CACNA1S: variants seen among roughly 807,000 people sequenced by gnomAD.
The protein encoded by CACNA1S is calcium voltage-gated channel subunit alpha1 S.
In CACNA1S, 126 loss-of-function variants were observed where a neutral mutation model predicts 207.4. That is an observed-to-expected ratio of 0.61 (90% CI 0.53 to 0.70). CACNA1S has a LOEUF of 0.70. CACNA1S is among the 30% of genes least tolerant of loss of function. The pLI is 0.00. For missense variants in CACNA1S, 2,349 were observed against 2,422.8 expected, an observed-to-expected ratio of 0.97 and a Z score of 0.64; for synonymous variants, 960 against 932.7, an observed-to-expected ratio of 1.03 and a Z score of -0.53.
chr1:201,069,244 C>T (rs1661363181), intron 18 of CACNA1S, 48 bp from the exon 19 acceptor site: 1 of 1,548,414 alleles, frequency 6.5e-7, no homozygotes, highest in African/African-American at 1.4e-5. Flanking sequence ...GAGGAGGGGG[C>T]AACAGTATCA....
chr1:201,077,902 G>C lies in CACNA1S; in HGVS notation c.1596C>G (p.Leu532=). 1 of 1,613,962 alleles carries C rather than the reference G, an allele frequency of 6.2e-7. No homozygotes were observed. Among genetic ancestry groups the C allele is most frequent in the Non-Finnish European group, 8.5e-7 (1 of 1,179,824 alleles). Residue 532 remains leucine, a synonymous_variant, in exon 11 of 44, where the codon CTC becomes CTG. Transcript: ENST00000362061. ...ACTTGGTGATCTTGAAGATCCTCAG[G>C]AGGCGGATGCAGCGGAGCACGGAGA... ...LGISVLRCIR[L]LRIFKITKYW... is the part of the protein sequence containing the mutation.
At position 201,110,172 on chromosome 1, in the gene CACNA1S, G is replaced by A; in HGVS notation, c.250C>T (p.Leu84Phe). ...MPEDDNNSLN[L>F]GLEKLEYFFL... The stretch of plus-strand genomic sequence containing the variant: ...GGAAGGGCCAATCTTACCAGGCCGA[G>A]GTTCAGAGAGTTGTTGTCATCTTCC... Residue 84 changes from leucine (L) to phenylalanine (F), a missense_variant, in exon 2 of 44, where the codon CTC becomes TTC. Coordinates refer to ENST00000362061, the MANE Select transcript of CACNA1S (RefSeq NM_000069.3). The A allele has an allele frequency of 6.2e-7, 1 of 1,614,096 alleles. No homozygotes were observed. The highest frequency in any genetic ancestry group is 1.1e-5 in the South Asian group (1 of 91,084).
intron 19 of CACNA1S, among the ~76,000 whole-genome samples, chr1:201,068,489 C>T (rs1363752581): frequency 1.3e-5 from 2 of 150,564 alleles, no homozygotes; most frequent in Non-Finnish European, 3.0e-5. Context: ...GTGATCCGCC[C>T]GCCTCGGCCT....
rs115497836 is a variant in CACNA1S, at chr1:201,102,401, G to A, written c.258+7763C>T. Among the ~76,000 whole-genome samples, 250 of 152,272 alleles carry A rather than the reference G, an allele frequency of 1.6e-3. 1 individual carries two copies. Among genetic ancestry groups the A allele is most frequent in the African/African-American group, 5.8e-3 (243 of 41,560 alleles). ...AAACAACGAGGTGCCCAAGGTAAGAGGCAGGCCCTCGTCAGCCTCGGATAC... is the reference window on the plus strand; with the variant it reads ...AAACAACGAGGTGCCCAAGGTAAGAAGCAGGCCCTCGTCAGCCTCGGATAC... On this transcript the variant is annotated intron_variant, in intron 2 of 43. Transcript: ENST00000362061.
chr1:201,069,954 A>C (rs892008203), intron 17 of CACNA1S, among the ~76,000 whole-genome samples: 1 of 152,162 alleles, frequency 6.6e-6, no homozygotes, highest in Non-Finnish European at 1.5e-5. Flanking sequence ...GCCTGTGTAT[A>C]GTTTAAAGGT....
At chr1:201,058,287 C>T in intron 28 of CACNA1S, 121 bp downstream of exon 28, 1 of 854,726 alleles carries the variant, frequency 1.2e-6, no homozygotes, top group Non-Finnish European at 2.0e-6. Context: ...ACTTGTCATT[C>T]CATCTTTTTA....
intron 2 of CACNA1S, among the ~76,000 whole-genome samples, chr1:201,105,510 C>G (rs1474657427): frequency 6.6e-6 from 1 of 152,190 alleles, no homozygotes; most frequent in Admixed American, 6.5e-5. Context: ...ATTCTAGCTC[C>G]AGAACCCATT....
intron 7 of CACNA1S, among the ~76,000 whole-genome samples, chr1:201,086,822 A>G (rs1160426127): frequency 6.6e-6 from 1 of 152,250 alleles, no homozygotes; most frequent in Non-Finnish European, 1.5e-5. Flanking sequence ...TAGTGTAAAT[A>G]CTATTCGCAA....
chr1:201,070,752 G>T (rs10920104), intron 16 of CACNA1S, among the ~76,000 whole-genome samples: 10,511 of 152,154 alleles, frequency 0.069, 1,153 homozygotes, highest in African/African-American at 0.23. Context: ...TGCTTCAGAA[G>T]AAGAGACCTG....
At chr1:201,054,718 A>C (rs1449666919) in intron 28 of CACNA1S, among the ~76,000 whole-genome samples, 157 bp from the exon 29 acceptor site, 1 of 10,004 alleles carries the variant, frequency 1.0e-4, no homozygotes, top group African/African-American at 4.1e-4. Flanking sequence ...GCTGCCAATC[A>C]GGGGCGGGGT....
At position 201,095,357 on chromosome 1, in the gene CACNA1S, G is replaced by A. The variant is rs145646578; in HGVS notation, c.259-1336C>T. Among the ~76,000 whole-genome samples the A allele has an allele frequency of 3.8e-3, 584 of 152,186 alleles. 15 individuals are homozygous for A. The highest frequency in any genetic ancestry group is 0.032 in the Admixed American group (486 of 15,268). ...GGGGCCCACCCCATCAGCACACTGC[G>A]GAGGCGTCATTCATATTCACAGTTC... On this transcript the variant is annotated intron_variant, in intron 2 of 43. Coordinates refer to ENST00000362061, the MANE Select transcript of CACNA1S (RefSeq NM_000069.3).
chr1:201,052,737 AC>A (rs1660699907), intron 31 of CACNA1S, 89 bp from the exon 32 acceptor site: 10 of 1,081,556 alleles, frequency 9.2e-6, no homozygotes, highest in Non-Finnish European at 1.4e-5. Context: ...CCTGACCCCT[AC>A]CTTCGCCCCT....
In CACNA1S at chr1:201,109,520, G is replaced by A. The variant is rs1663023022; in HGVS notation, c.258+644C>T. ...TTATTATTAATTAGCTATTGAGTAA[G>A]TAAGTCCCTGAACCTCTCTAGGTCT... On this transcript the variant is annotated intron_variant, in intron 2 of 43. Coordinates refer to ENST00000362061, the MANE Select transcript of CACNA1S (RefSeq NM_000069.3). Among the ~76,000 whole-genome samples, 4 of 152,192 alleles carry A rather than the reference G, an allele frequency of 2.6e-5. No individual in the cohort carries two copies. The South Asian group carries it at 6.2e-4, about 24-fold the overall frequency.
chr1:201,062,571 G>A (rs1661098253), intron 22 of CACNA1S, 57 bp from the exon 23 acceptor site: 26 of 1,543,196 alleles, frequency 1.7e-5, no homozygotes, highest in Non-Finnish European at 1.6e-5. Flanking sequence ...AAACAGGATA[G>A]AAAAGTGGGC....
rs113175669 is a variant in CACNA1S, at chr1:201,075,477, C to T, written c.1948+18G>A. 2.1e-4 allele frequency: 341 copies of T among 1,613,560 alleles called. No individual in the cohort carries two copies. Among genetic ancestry groups the T allele is most frequent in the Middle Eastern group, 1.8e-3 (11 of 6,012 alleles). On this transcript the variant is annotated intron_variant, in intron 13 of 43. Transcript: ENST00000362061. ...CCCTCCCTAAGCTCTTTTCTGCACC[C>T]TGCTCCCGAGAGGATACAGTTGCCA...
chr1:201,042,912 AC>A (rs5780052), intron 40 of CACNA1S: 64,815 of 281,374 alleles, frequency 0.23, 8,635 homozygotes, highest in Non-Finnish European at 0.29. Context: ...TCTCCTTGGA[AC>A]CTAAATCCAG....
At chr1:201,091,032 C>T (rs1662209372) in intron 5 of CACNA1S, among the ~76,000 whole-genome samples, 1 of 152,060 alleles carries the variant, frequency 6.6e-6, no homozygotes, top group Non-Finnish European at 1.5e-5. Context: ...TTTCTCATAC[C>T]ATGAATATCA....
chr1:201,072,732 A>C, intron 16 of CACNA1S, 23 bp downstream of exon 16: 1 of 1,597,410 alleles, frequency 6.3e-7, no homozygotes, highest in Non-Finnish European at 8.6e-7. Context: ...ACCCTGCTCC[A>C]GTCCAGTCTC....
Position 201,050,531 on chromosome 1 carries a change from C to T in CACNA1S, c.4114-15G>A. ...AGGTTGATGACCTGCAAGAGAAGAA[C>T]CAAGGGGTCCCAACACAGAAAGGCA... On this transcript the variant is annotated splice_polypyrimidine_tract_variant and intron_variant, in intron 33 of 43. Coordinates refer to ENST00000362061, the MANE Select transcript of CACNA1S (RefSeq NM_000069.3). 1 of 1,613,730 alleles carries T rather than the reference C, an allele frequency of 6.2e-7. No homozygotes were observed. The highest frequency in any genetic ancestry group is 8.5e-7 in the Non-Finnish European group (1 of 1,179,858).
Sources: allele counts gnomAD v4.1 joint callset (sites outside exome capture counted in the v4.1 genomes callset), GRCh38; gene constraint gnomAD v4.1.1; transcripts MANE v1.5; gene names NCBI Gene and HGNC (gene_info 2026-07-23, HGNC 2026-07-21).